Variants in CTNNA2 observed in about 807,000 individuals in gnomAD.
CTNNA2 encodes catenin alpha-2.
CTNNA2 carries 42 observed loss-of-function variants against 101.0 expected under a neutral mutation model. The ratio of observed to expected loss-of-function variants is 0.42; its 90% CI spans 0.32 to 0.54. The LOEUF (loss-of-function observed/expected upper bound fraction) is 0.54, where lower values mean the gene tolerates loss of function less well. Ranked by LOEUF, CTNNA2 falls within the 20% of genes least tolerant of loss-of-function variation. The probability of loss-of-function intolerance (pLI) is 0.14; values close to 1 mark genes in which losing one functional copy is unlikely to be tolerated. For synonymous variants in CTNNA2, 450 were observed against 456.4 expected, an observed-to-expected ratio of 0.99 and a Z score of 0.18; for missense variants, 871 against 1,223.1, an observed-to-expected ratio of 0.71 and a Z score of 4.29.
chr2:80,614,041 CTAAT>C (rs1190907316), intron 17 of CTNNA2, among the ~76,000 whole-genome samples: 1 of 151,428 alleles, frequency 6.6e-6, no homozygotes, highest in Non-Finnish European at 1.5e-5. Flanking sequence ...TTGAGATGCT[CTAAT>C]TAAAAGAAGA....
At chr2:79,956,724 T>C (rs1689245494) in intron 7 of CTNNA2, among the ~76,000 whole-genome samples, 1 of 152,022 alleles carries the variant, frequency 6.6e-6, no homozygotes, top group African/African-American at 2.4e-5. Flanking sequence ...GCCACCTTAG[T>C]GGATGGAAGG....
chr2:80,361,989 C>G (rs918423751), intron 7 of CTNNA2, among the ~76,000 whole-genome samples: 11 of 152,124 alleles, frequency 7.2e-5, no homozygotes, highest in African/African-American at 2.7e-4. Flanking sequence ...GAGGACTTGA[C>G]AGCACCATTT....
intron 1 of CTNNA2, among the ~76,000 whole-genome samples, chr2:79,545,009 G>A (rs1040561704): frequency 6.6e-6 from 1 of 151,998 alleles, no homozygotes; most frequent in Non-Finnish European, 1.5e-5. Flanking sequence ...AGAAAGATAA[G>A]AAAAAGGAAA....
At chr2:80,296,582 A>C (rs1030370214) in intron 7 of CTNNA2, among the ~76,000 whole-genome samples, 15 of 152,214 alleles carry the variant, frequency 9.9e-5, no homozygotes, top group African/African-American at 3.6e-4. Flanking sequence ...GAAAGACTTA[A>C]AAGGAATAAG....
At chr2:79,293,261 A>G (rs1374730832) in intron 2 of CTNNA2, 1 of 152,208 alleles carries the variant, frequency 6.6e-6, no homozygotes, top group Non-Finnish European at 1.5e-5. Flanking sequence ...TGTGCAGAAT[A>G]TAAATGTTTT....
At chr2:80,393,897 T>C (rs1032003824) in intron 8 of CTNNA2, among the ~76,000 whole-genome samples, 45 of 152,214 alleles carry the variant, frequency 3.0e-4, no homozygotes, top group Admixed American at 9.8e-4. Flanking sequence ...AAGTGTTGTA[T>C]GAACGCTGGT....
Position 80,618,331 on chromosome 2 carries a change from C to G in CTNNA2, c.2431-754C>G, listed in dbSNP as rs570280532. On this transcript the variant is annotated intron_variant, in intron 17 of 18. Coordinates refer to ENST00000402739, the MANE Select transcript of CTNNA2 (RefSeq NM_001282597.3). ...TTGCCATTTGATTTTTTCTACAGTT[C>G]TGAAGATGAACTCTAACTACTCCTT... is the stretch of plus-strand genomic sequence containing the variant. Among the ~76,000 whole-genome samples, 68 of 151,830 alleles carry G rather than the reference C, an allele frequency of 4.5e-4. 2 individuals are homozygous for G. Among genetic ancestry groups the G allele is most frequent in the African/African-American group, 1.5e-3 (61 of 41,476 alleles).
intron 2 of CTNNA2, among the ~76,000 whole-genome samples, chr2:79,678,211 T>C (rs1022777598): frequency 2.6e-5 from 4 of 152,120 alleles, no homozygotes; most frequent in Admixed American, 2.6e-4. Flanking sequence ...ATTTTAATGC[T>C]CCAGTTTCAA....
chr2:79,805,950 A>G (rs1357789996), intron 3 of CTNNA2, among the ~76,000 whole-genome samples: 1 of 151,360 alleles, frequency 6.6e-6, no homozygotes, highest in Non-Finnish European at 1.5e-5. Flanking sequence ...AAAAAAAAAA[A>G]GATAAGTTTA....
intron 7 of CTNNA2, among the ~76,000 whole-genome samples, chr2:80,366,358 G>GTATCAA (rs1674932525): frequency 6.6e-6 from 1 of 152,178 alleles, no homozygotes; most frequent in East Asian, 1.9e-4. Flanking sequence ...GTCACTGTCA[G>GTATCAA]TGCCTTGATA....
At chr2:79,417,120 A>G (rs1678493115) in intron 4 of CTNNA2, among the ~76,000 whole-genome samples, 1 of 152,078 alleles carries the variant, frequency 6.6e-6, no homozygotes, top group Non-Finnish European at 1.5e-5. Context: ...TTTTGAGTGT[A>G]TTGGACAGCA....
chr2:79,576,452 T>C (rs1675805883), intron 1 of CTNNA2, among the ~76,000 whole-genome samples: 1 of 152,204 alleles, frequency 6.6e-6, no homozygotes, highest in African/African-American at 2.4e-5. Context: ...TTTTTTAAAG[T>C]ACCCATGTTG....
At chr2:79,679,417 C>G (rs1255646352) in intron 2 of CTNNA2, among the ~76,000 whole-genome samples, 1 of 152,088 alleles carries the variant, frequency 6.6e-6, no homozygotes, top group Non-Finnish European at 1.5e-5. Context: ...TCACCATGTC[C>G]CCGAGCCCTT....
intron 3 of CTNNA2, among the ~76,000 whole-genome samples, chr2:79,316,463 C>A (rs975098254): frequency 6.6e-6 from 1 of 151,884 alleles, no homozygotes; most frequent in Non-Finnish European, 1.5e-5. Flanking sequence ...CAATTTCTTC[C>A]GAAATGGAAG....
In CTNNA2 at chr2:80,355,546, G is replaced by A. The variant is rs574084691; in HGVS notation, c.1057-37665G>A. On this transcript the variant is annotated intron_variant, in intron 7 of 18. Transcript: ENST00000402739. ...ACTTCTTGCTATGTAAGAACAATAA[G>A]CATCATACTTATTAAGCCGCTCTTT... is the stretch of plus-strand genomic sequence containing the variant. 3.9e-5 allele frequency among the ~76,000 whole-genome samples: 6 copies of A among 152,224 alleles called. No homozygotes were observed. The East Asian group carries it at 1.2e-3, about 30-fold the overall frequency.
At chr2:79,766,487 T>A (rs112131971) in intron 3 of CTNNA2, among the ~76,000 whole-genome samples, 1,777 of 152,338 alleles carry the variant, frequency 0.012, 17 homozygotes, top group Non-Finnish European at 0.017. Context: ...ACAGATTTGA[T>A]TGTTAAATGC....
intron 4 of CTNNA2, among the ~76,000 whole-genome samples, chr2:79,451,439 T>C (rs530368437): frequency 6.6e-6 from 1 of 152,138 alleles, no homozygotes; most frequent in Admixed American, 6.6e-5. Flanking sequence ...AAATAAAGAT[T>C]GGTGCCAATT....
intron 17 of CTNNA2, among the ~76,000 whole-genome samples, chr2:80,613,788 T>C (rs956937159): frequency 1.5e-4 from 22 of 151,686 alleles, no homozygotes; most frequent in African/African-American, 4.8e-4. Flanking sequence ...CAAATAACTC[T>C]TCTTACCTTA....
intron 1 of CTNNA2, among the ~76,000 whole-genome samples, chr2:79,537,676 G>GT (rs1335701557): frequency 2.6e-5 from 4 of 152,128 alleles, no homozygotes; most frequent in African/African-American, 9.7e-5. Context: ...CTATGTAAAA[G>GT]TAGAATGCAG....
Sources: gnomAD v4.1 joint callset for allele counts (sites outside exome capture counted in the v4.1 genomes callset) on GRCh38, gnomAD v4.1.1 for gene constraint, MANE v1.5 for transcripts, NCBI Gene and HGNC (gene_info 2026-07-23, HGNC 2026-07-21) for gene names.